The following SOX6 variants were observed in gnomAD, a reference collection of about 807,000 sequenced individuals.
The protein encoded by SOX6 is transcription factor SOX-6.
In SOX6, 11 loss-of-function variants were observed where a neutral mutation model predicts 97.8. The observed-to-expected ratio is 0.11, with a 90% CI of 0.07 to 0.19. SOX6 has a LOEUF of 0.19. Ranked by LOEUF, SOX6 falls within the 10% of genes least tolerant of loss-of-function variation. The pLI is 1.00. For synonymous variants in SOX6, 360 were observed against 371.4 expected (o/e 0.97, Z 0.35); for missense variants, 810 against 1,039.5 (o/e 0.78, Z 3.04).
At chr11:15,998,291 CAACA>C (rs1214512623) in intron 13 of SOX6, among the ~76,000 whole-genome samples, 11 of 150,044 alleles carry the variant, frequency 7.3e-5, no homozygotes, top group Admixed American at 2.7e-4. Flanking sequence ...TTTATACTAG[CAACA>C]AACAATTAAA....
chr11:16,428,916 C>T (rs976254162), intron 1 of SOX6, among the ~76,000 whole-genome samples: 11 of 152,240 alleles, frequency 7.2e-5, no homozygotes, highest in East Asian at 1.9e-4. Flanking sequence ...TTACCTTGGG[C>T]GGCATGGCCA....
At chr11:16,024,195 C>T (rs1321789915) in intron 12 of SOX6, among the ~76,000 whole-genome samples, 1 of 152,044 alleles carries the variant, frequency 6.6e-6, no homozygotes, top group Non-Finnish European at 1.5e-5. Context: ...TATCTACAAG[C>T]CAAAGAGAGA....
chr11:16,041,641 A>G (rs1855669832), intron 12 of SOX6, among the ~76,000 whole-genome samples: 1 of 152,182 alleles, frequency 6.6e-6, no homozygotes, highest in Non-Finnish European at 1.5e-5. Context: ...TTCTAAAAAA[A>G]TTATAGATTA....
rs1848379765 is a variant in SOX6, at chr11:16,610,141, C to T, written n.609+1940G>A. ...GTTGGGCCTGTTCCAGAGCGTTGCA[C>T]TCCTCAGCTGTCTGCCCTGGAACTC... On this transcript the variant is annotated intron_variant and non_coding_transcript_variant, in intron 4 of 5. Transcript: ENST00000524520. The surrounding 1 kb of genome is among the most constrained non-coding windows in gnomAD (Gnocchi z 4.4). 6.6e-6 allele frequency among the ~76,000 whole-genome samples: 1 copy of T among 152,194 alleles called. No individual in the cohort carries two copies. Among genetic ancestry groups the T allele is most frequent in the East Asian group, 1.9e-4 (1 of 5,194 alleles).
intron 12 of SOX6, among the ~76,000 whole-genome samples, chr11:16,025,862 A>G (rs1463005545): frequency 6.6e-6 from 1 of 152,210 alleles, no homozygotes; most frequent in Non-Finnish European, 1.5e-5. Context: ...TTAAAAAAAT[A>G]TGTATGCTGC....
At chr11:16,353,180 C>T (rs188431947) in intron 1 of SOX6, among the ~76,000 whole-genome samples, 5 of 152,148 alleles carry the variant, frequency 3.3e-5, no homozygotes, top group African/African-American at 1.2e-4. Flanking sequence ...AGAGAAACCA[C>T]ACCAGCTATA....
chr11:16,167,922 C>A (rs892855632), intron 6 of SOX6, among the ~76,000 whole-genome samples: 1 of 152,146 alleles, frequency 6.6e-6, no homozygotes, highest in Non-Finnish European at 1.5e-5. Flanking sequence ...GTAAACTTAG[C>A]AGAGCAGGGA....
intron 1 of SOX6, among the ~76,000 whole-genome samples, chr11:16,343,344 G>C (rs1856690440): frequency 6.6e-6 from 1 of 151,916 alleles, no homozygotes; most frequent in East Asian, 1.9e-4. Context: ...AAAAATCAGA[G>C]TGACTTTACT....
At chr11:16,723,226 C>G (rs1848280143) in intron 2 of SOX6, among the ~76,000 whole-genome samples, 1 of 152,060 alleles carries the variant, frequency 6.6e-6, no homozygotes, top group Non-Finnish European at 1.5e-5. Flanking sequence ...AACGCAGCAA[C>G]AGAAAACCAA....
intron 3 of SOX6, among the ~76,000 whole-genome samples, chr11:16,656,360 G>A (rs1847717500): frequency 1.3e-5 from 2 of 152,162 alleles, no homozygotes; most frequent in South Asian, 4.1e-4. Flanking sequence ...ACAGGCATGA[G>A]CCACCGTGCC....
At chr11:16,590,210 C>A (rs887265758) in intron 4 of SOX6, among the ~76,000 whole-genome samples, 1 of 152,100 alleles carries the variant, frequency 6.6e-6, no homozygotes, top group African/African-American at 2.4e-5. Flanking sequence ...TCAGGTAGGA[C>A]GCTTGCTTTT....
intron 1 of SOX6, among the ~76,000 whole-genome samples, chr11:16,344,107 T>C (rs900731873): frequency 6.6e-6 from 1 of 151,942 alleles, no homozygotes; most frequent in Admixed American, 6.6e-5. Flanking sequence ...TTTCTTGTTT[T>C]TACTTTATTA....
chr11:16,043,937 TA>T (rs1453728231), intron 12 of SOX6, among the ~76,000 whole-genome samples: 1 of 152,114 alleles, frequency 6.6e-6, no homozygotes, highest in Non-Finnish European at 1.5e-5. Flanking sequence ...CACCCCAACT[TA>T]GGACAATTCT....
intron 6 of SOX6, among the ~76,000 whole-genome samples, chr11:16,142,557 C>G (rs1850174226): frequency 6.6e-6 from 1 of 152,018 alleles, no homozygotes; most frequent in Admixed American, 6.6e-5. Flanking sequence ...CTTCTCTGAG[C>G]TAAAGGAGGA....
At chr11:16,108,284 C>T (rs184129793) in intron 7 of SOX6, among the ~76,000 whole-genome samples, 274 of 152,104 alleles carry the variant, frequency 1.8e-3, no homozygotes, top group Admixed American at 4.6e-3. Context: ...TTCCTAGGAC[C>T]TTCTAGGAAA....
At chr11:16,694,690 T>C (rs1848040410) in intron 3 of SOX6, among the ~76,000 whole-genome samples, 1 of 152,104 alleles carries the variant, frequency 6.6e-6, no homozygotes, top group Admixed American at 6.6e-5. Context: ...TGGCAAGTAG[T>C]AGGGAAAATG....
chr11:16,194,025 C>T (rs1178615794), intron 4 of SOX6, among the ~76,000 whole-genome samples: 1 of 152,112 alleles, frequency 6.6e-6, no homozygotes. Context: ...TGTCACAAAA[C>T]ATAGCAACAA....
chr11:16,537,163 G>T (rs763349024), intron 4 of SOX6, among the ~76,000 whole-genome samples: 1 of 152,180 alleles, frequency 6.6e-6, no homozygotes, highest in Admixed American at 6.5e-5. Context: ...TGCACCCACC[G>T]TTGGTGATAC....
intron 3 of SOX6, among the ~76,000 whole-genome samples, chr11:16,239,877 C>T (rs1288453172): frequency 1.3e-5 from 2 of 151,978 alleles, no homozygotes; most frequent in African/African-American, 4.8e-5. Flanking sequence ...TAACACCCCT[C>T]CCCCATTACC....
Sources: gnomAD v4.1 joint callset for allele counts (sites outside exome capture counted in the v4.1 genomes callset) on GRCh38, gnomAD v4.1.1 for gene constraint, Gnocchi (gnomAD v3.1) non-coding constraint, MANE v1.5 for transcripts, NCBI Gene and HGNC (gene_info 2026-07-23, HGNC 2026-07-21) for gene names.